SYT17: variants seen among roughly 807,000 people sequenced by gnomAD.
The protein encoded by SYT17 is synaptotagmin 17.
Under a neutral mutation model 46.7 loss-of-function variants are expected in SYT17, and 22 were observed. The observed-to-expected ratio is 0.47, with a 90% confidence interval of 0.34 to 0.67. The LOEUF (loss-of-function observed/expected upper bound fraction) is 0.67. SYT17 is among the 30% of genes least tolerant of loss of function. The probability of loss-of-function intolerance (pLI) is 0.01; values close to 1 mark genes in which losing one functional copy is unlikely to be tolerated. For missense variants in SYT17, 519 were observed against 612.8 expected, an observed-to-expected ratio of 0.85 and a Z score of 1.62; for synonymous variants, 251 against 248.4, an observed-to-expected ratio of 1.01 and a Z score of -0.10.
intron 1 of SYT17, among the ~76,000 whole-genome samples, chr16:19,169,100 G>T (rs916506644): frequency 2.6e-5 from 4 of 151,936 alleles, no homozygotes; most frequent in Non-Finnish European, 4.4e-5. Flanking sequence ...CAGCTGTTCC[G>T]ACCAGGAGGG....
chr16:19,202,367 G>T (rs1965500179), intron 5 of SYT17, among the ~76,000 whole-genome samples: 1 of 152,226 alleles, frequency 6.6e-6, no homozygotes, highest in Non-Finnish European at 1.5e-5. Flanking sequence ...CTTAGGGACA[G>T]CCAAGTAGAA....
chr16:19,261,436 A>G (rs982722255), intron 7 of SYT17, among the ~76,000 whole-genome samples: 4 of 152,242 alleles, frequency 2.6e-5, no homozygotes, highest in African/African-American at 9.6e-5. Flanking sequence ...GGGCCAAGTG[A>G]TTCACCAGCC....
At chr16:19,238,256 A>G (rs544962114) in intron 7 of SYT17, among the ~76,000 whole-genome samples, 17 of 152,050 alleles carry the variant, frequency 1.1e-4, no homozygotes, top group Admixed American at 2.0e-4. Flanking sequence ...TGTAGATCTC[A>G]GTTCCCAGCT....
In SYT17 at chr16:19,267,203, A is replaced by C; in HGVS notation, c.*127A>C. The C allele has an allele frequency of 1.3e-6, 1 of 798,180 alleles. No homozygotes were observed. The highest frequency in any genetic ancestry group is 1.9e-6 in the Non-Finnish European group (1 of 527,840). The allele number at this position is 798,180 out of a possible 1,614,324, so 49.4% of individuals were successfully genotyped here. A position where few individuals can be genotyped will look rare whatever the true frequency, so the allele number is the denominator to read the frequency against. ...AACATGTCTACACACGTCCACACAC[A>C]CAGACACACAGATACCCCAAATCCT... is the stretch of plus-strand genomic sequence containing the variant. On this transcript the variant is annotated 3_prime_UTR_variant, in exon 8 of 8. Transcript: ENST00000355377.
chr16:19,208,955 C>T lies in SYT17; in HGVS notation c.952-14090C>T, dbSNP rs1188458518. On this transcript the variant is annotated intron_variant, in intron 5 of 7. Coordinates refer to ENST00000355377, the MANE Select transcript of SYT17 (RefSeq NM_016524.4). ...TCACCCAGGCTGGAGTGCAGTGGTA[C>T]GATCTTGGCTCACTGCAATCTCTGC... Among the ~76,000 whole-genome samples the T allele has an allele frequency of 4.1e-5, 5 of 122,592 alleles. No individual in the cohort carries two copies. The East Asian group carries it at 7.2e-4, about 18-fold the overall frequency. The allele number at this position is 122,592 out of a possible 152,430, so 80.4% of individuals were successfully genotyped here.
chr16:19,232,499 G>C (rs1193175071), intron 7 of SYT17, among the ~76,000 whole-genome samples: 1 of 152,100 alleles, frequency 6.6e-6, no homozygotes, highest in Non-Finnish European at 1.5e-5. Flanking sequence ...AAGGGCATCA[G>C]GGTGAGTGAT....
intron 7 of SYT17, among the ~76,000 whole-genome samples, chr16:19,254,085 A>G (rs529091017): frequency 6.6e-6 from 1 of 152,252 alleles, no homozygotes; most frequent in African/African-American, 2.4e-5. Context: ...GTAATGGAGA[A>G]CATAATAACT....
chr16:19,168,486 AG>A lies in SYT17; in HGVS notation c.-157del, dbSNP rs1345837006. The A allele has an allele frequency of 3.2e-6, 3 of 926,200 alleles. No homozygotes were observed. The highest frequency in any genetic ancestry group is 3.1e-5 in the East Asian group (1 of 31,842). 57.4% of individuals were successfully genotyped at this position (926,200 alleles called of 1,614,324 possible). A position where few individuals can be genotyped will look rare whatever the true frequency, so the allele number is the denominator to read the frequency against. The stretch of plus-strand genomic sequence containing the variant: ...AAGGCAAGGACGGGGCGGCCGGCGG[AG>A]GGGCGGGCGCCGCTCATCAGCCACG... On this transcript the variant is annotated 5_prime_UTR_variant, in exon 1 of 8. Coordinates refer to ENST00000355377, the MANE Select transcript of SYT17 (RefSeq NM_016524.4). This position sits in a 1 kb window ranked among gnomAD's most constrained non-coding sequence, Gnocchi z 6.9.
chr16:19,177,040 T>G (rs567974593), intron 3 of SYT17, among the ~76,000 whole-genome samples: 1 of 152,274 alleles, frequency 6.6e-6, no homozygotes, highest in South Asian at 2.1e-4. Flanking sequence ...GTTTGCCCCC[T>G]AGATATCCAA....
intron 3 of SYT17, among the ~76,000 whole-genome samples, chr16:19,178,378 C>A (rs1964406861): frequency 6.6e-6 from 1 of 151,920 alleles, no homozygotes; most frequent in Non-Finnish European, 1.5e-5. Context: ...AGCCACCGTG[C>A]CCGCCCAGTT....
rs1048184895 is a variant in SYT17, at chr16:19,202,428, C to T, written c.951+18281C>T. Among the ~76,000 whole-genome samples the T allele has an allele frequency of 9.2e-5, 14 of 152,342 alleles. 1 individual carries two copies. The highest frequency in any genetic ancestry group is 2.6e-4 in the Admixed American group (4 of 15,306). ...CAGGGGGTTGTGTGTGGTGCTTTCA[C>T]GCCCTCAACGGGCACAGCACCCTCC... On this transcript the variant is annotated intron_variant, in intron 5 of 7. Coordinates refer to ENST00000355377, the MANE Select transcript of SYT17 (RefSeq NM_016524.4).
intron 3 of SYT17, 196 bp from the exon 4 acceptor site, chr16:19,180,195 T>C: frequency 1.7e-6 from 1 of 572,382 alleles, no homozygotes; most frequent in Non-Finnish European, 3.1e-6. Context: ...TATTTCTTCA[T>C]ATCATTTCAC....
chr16:19,261,489 C>A (rs896045160), intron 7 of SYT17, among the ~76,000 whole-genome samples: 1 of 152,224 alleles, frequency 6.6e-6, no homozygotes, highest in African/African-American at 2.4e-5. Context: ...GGATATTAGA[C>A]TTCCTTTTAG....
chr16:19,259,836 C>T (rs189380703), intron 7 of SYT17, among the ~76,000 whole-genome samples: 18 of 152,220 alleles, frequency 1.2e-4, no homozygotes, highest in South Asian at 6.2e-4. Context: ...TCCAAGGTTA[C>T]GGACCTGTGC....
At chr16:19,199,391 G>C (rs1390895615) in intron 5 of SYT17, among the ~76,000 whole-genome samples, 3 of 152,068 alleles carry the variant, frequency 2.0e-5, no homozygotes, top group African/African-American at 4.8e-5. Flanking sequence ...TGACTTCTGA[G>C]CTCAATATTC....
chr16:19,172,905 C>G (rs1964156505), intron 2 of SYT17, 128 bp downstream of exon 2: 2 of 1,182,362 alleles, frequency 1.7e-6, no homozygotes, highest in Non-Finnish European at 2.4e-6. Context: ...AATAACGGCA[C>G]AGTTTCCATT....
intron 1 of SYT17, chr16:19,169,826 A>G (rs891901688): frequency 6.6e-6 from 1 of 152,216 alleles, no homozygotes; most frequent in Non-Finnish European, 1.5e-5. Flanking sequence ...GCGACCGCCT[A>G]CTAAGTGCTG....
intron 7 of SYT17, among the ~76,000 whole-genome samples, chr16:19,233,389 C>T (rs913087900): frequency 6.6e-6 from 1 of 151,808 alleles, no homozygotes; most frequent in Non-Finnish European, 1.5e-5. Context: ...CAGTGACTCA[C>T]ATGTATAATC....
intron 4 of SYT17, 25 bp downstream of exon 4, chr16:19,180,564 T>TG (rs755928230): frequency 3.1e-6 from 5 of 1,612,352 alleles, no homozygotes; most frequent in Non-Finnish European, 4.2e-6. Flanking sequence ...TTTACCTTTC[T>TG]GGGGGCCCTG....
Sources: allele counts gnomAD v4.1 joint callset (sites outside exome capture counted in the v4.1 genomes callset), GRCh38; gene constraint gnomAD v4.1.1; non-coding constraint Gnocchi (gnomAD v3.1); transcripts MANE v1.5; gene names NCBI Gene and HGNC (gene_info 2026-07-23, HGNC 2026-07-21).